SHPRH: variants seen among roughly 807,000 people sequenced by gnomAD.
SHPRH encodes the protein SNF2 histone linker PHD RING helicase.
Under a neutral mutation model 202.5 loss-of-function variants are expected in SHPRH, and 106 were observed. The observed-to-expected ratio is 0.52, with a 90% CI of 0.45 to 0.62. The LOEUF is 0.62. SHPRH is among the 20% of genes least tolerant of loss of function. The probability of loss-of-function intolerance (pLI) is 0.00; values close to 1 mark genes in which losing one functional copy is unlikely to be tolerated. For missense variants in SHPRH, 1,710 were observed against 2,020.0 expected, an observed-to-expected ratio of 0.85 and a Z score of 2.94; for synonymous variants, 729 against 686.0, an observed-to-expected ratio of 1.06 and a Z score of -0.98.
chr6:145,955,485 A>T (rs542166628), intron 1 of SHPRH, 131 bp from the exon 2 acceptor site: 46 of 824,482 alleles, frequency 5.6e-5, no homozygotes, highest in Admixed American at 1.3e-4. Context: ...GATATAAGGC[A>T]ATGAGTAATT....
At chr6:145,914,156 G>T (rs1346228634) in intron 23 of SHPRH, among the ~76,000 whole-genome samples, 1 of 152,086 alleles carries the variant, frequency 6.6e-6, no homozygotes, top group African/African-American at 2.4e-5. Context: ...TTGGGGATGG[G>T]CTGAGTTGGC....
intron 6 of SHPRH, among the ~76,000 whole-genome samples, chr6:145,946,702 T>A (rs1361831519): frequency 6.6e-6 from 1 of 151,992 alleles, no homozygotes; most frequent in Admixed American, 6.6e-5. Flanking sequence ...TTACTGATAG[T>A]TAAGTCAATA....
At chr6:145,929,742 T>C (rs896535700) in intron 14 of SHPRH, among the ~76,000 whole-genome samples, 1 of 151,994 alleles carries the variant, frequency 6.6e-6, no homozygotes, top group Non-Finnish European at 1.5e-5. Context: ...AGAGGGAAGA[T>C]TTGCACACAA....
Position 145,941,662 on chromosome 6 carries a change from G to C in SHPRH, c.2451C>G (p.Cys817Trp). 6.2e-7 allele frequency: 1 copy of C among 1,613,960 alleles called. No individual in the cohort carries two copies. The highest frequency in any genetic ancestry group is 8.5e-7 in the Non-Finnish European group (1 of 1,179,924). The change falls in exon 10 of 30, where the codon TGC becomes TGG. Residue 817 changes from cysteine to tryptophan, a missense_variant. Physicochemically the swap from Cys to Trp is radical, Grantham distance 215 (BLOSUM62 -2). Transcript: ENST00000275233. ...PLVAVEWWRI[C>W]LDEAQMVECP... ...ACTCAACCATCTGAGCTTCATCAAG[G>C]CAGATCCTCCACCACTCCACAGCTA...
In SHPRH at chr6:145,923,243, A is replaced by C. The variant is rs369349717; in HGVS notation, c.3545+400T>G. Among the ~76,000 whole-genome samples, 59 of 151,882 alleles carry C rather than the reference A, an allele frequency of 3.9e-4. No individual in the cohort carries two copies. In the East Asian group the frequency reaches 7.7e-3, roughly 20 times the overall value. The stretch of plus-strand genomic sequence containing the variant: ...AGAATATTGGGAAGAAAGAAGAAAA[A>C]TGGCTAAGAGTTATATTCCTTGGTT... On this transcript the variant is annotated intron_variant, in intron 18 of 29. Coordinates refer to ENST00000275233, the MANE Select transcript of SHPRH (RefSeq NM_001042683.3).
At chr6:145,889,049 T>C (rs188775919) in intron 28 of SHPRH, among the ~76,000 whole-genome samples, 130 of 152,260 alleles carry the variant, frequency 8.5e-4, no homozygotes, top group Non-Finnish European at 8.8e-4. Context: ...ACCTATCAGA[T>C]ACCTATTAGA....
intron 3 of SHPRH, among the ~76,000 whole-genome samples, chr6:145,951,025 TTC>T (rs1429724383): frequency 3.9e-5 from 6 of 152,060 alleles, no homozygotes; most frequent in Non-Finnish European, 7.4e-5. Context: ...AAGAAATGGG[TTC>T]TCATTTTATT....
chr6:145,870,604 A>G (rs191813791), intron 2 of SHPRH, among the ~76,000 whole-genome samples: 2 of 152,252 alleles, frequency 1.3e-5, no homozygotes, highest in East Asian at 1.9e-4. Context: ...GTGAACAAAG[A>G]CAGTTTCATT....
At position 145,910,613 on chromosome 6, in the gene SHPRH, G is replaced by A; in HGVS notation, c.4350C>T (p.His1450=). Residue 1450 remains histidine, a synonymous_variant, in exon 25 of 30, where the codon CAC becomes CAT. Transcript: ENST00000275233. ...TAGAAATGCATTCATTACAGAAACA[G>A]TGACCACAGGTCAGTACCGCCCACT... ...GKQWAVLTCG[H]CFCNECISII... The A allele has an allele frequency of 4.3e-6, 7 of 1,612,720 alleles. No homozygotes were observed. The highest frequency in any genetic ancestry group is 5.9e-6 in the Non-Finnish European group (7 of 1,179,334).
At chr6:145,900,785 A>G (rs1782434093) in intron 25 of SHPRH, among the ~76,000 whole-genome samples, 1 of 152,126 alleles carries the variant, frequency 6.6e-6, no homozygotes. Context: ...TACAATGTAA[A>G]TCTTACGTAA....
chr6:145,919,913 GCT>G (rs1311648337), intron 21 of SHPRH, among the ~76,000 whole-genome samples: 1 of 151,988 alleles, frequency 6.6e-6, no homozygotes, highest in Non-Finnish European at 1.5e-5. Context: ...CCTTGGAAAG[GCT>G]CTGTGTGTTC....
chr6:145,866,434 T>C (rs929775957), intron 2 of SHPRH, among the ~76,000 whole-genome samples: 4 of 152,228 alleles, frequency 2.6e-5, no homozygotes, highest in African/African-American at 9.6e-5. Flanking sequence ...ATTAACTGGA[T>C]TGAAATGATC....
At chr6:145,926,117 G>T in intron 16 of SHPRH, 87 bp downstream of exon 16, 1 of 1,139,564 alleles carries the variant, frequency 8.8e-7, no homozygotes, top group Non-Finnish European at 1.3e-6. Flanking sequence ...TTATTTGTAT[G>T]TTGTATGTCC....
At position 145,886,469 on chromosome 6, in the gene SHPRH, T is replaced by C. The variant is rs1477764592; in HGVS notation, c.*222A>G. The C allele has an allele frequency of 1.1e-6, 1 of 870,992 alleles. No individual in the cohort carries two copies. The highest frequency in any genetic ancestry group is 1.7e-5 in the African/African-American group (1 of 60,272). 54.0% of individuals were successfully genotyped at this position (870,992 alleles called of 1,614,324 possible). On this transcript the variant is annotated 3_prime_UTR_variant, in exon 30 of 30. Coordinates refer to ENST00000275233, the MANE Select transcript of SHPRH (RefSeq NM_001042683.3). ...TTTGGGACAAAAAATAAATGTTTTA[T>C]TAGGAGTGTAAAATTAAGAATCTTT...
chr6:145,862,009 G>A (rs1779595592), downstream of SHPRH, among the ~76,000 whole-genome samples: 1 of 152,152 alleles, frequency 6.6e-6, no homozygotes. Context: ...ACCAGGGGTG[G>A]GAGAATGGGG....
At chr6:145,943,915 C>G in intron 8 of SHPRH, 113 bp from the exon 9 acceptor site, 2 of 1,026,732 alleles carry the variant, frequency 1.9e-6, no homozygotes, top group East Asian at 2.6e-5. Context: ...CTTTGCTACC[C>G]TTTTCCCTGA....
intron 14 of SHPRH, among the ~76,000 whole-genome samples, chr6:145,931,117 C>T (rs1251303511): frequency 6.6e-6 from 1 of 151,954 alleles, no homozygotes; most frequent in Non-Finnish European, 1.5e-5. Context: ...ACATTTGCAT[C>T]TTTAAATATA....
chr6:145,877,890 G>A (rs944676192), intron 2 of SHPRH: 1 of 152,178 alleles, frequency 6.6e-6, no homozygotes, highest in East Asian at 1.9e-4. Context: ...ACTTTGAGTT[G>A]TCTCACCTTT....
chr6:145,923,951 C>G (rs1250551779), intron 17 of SHPRH, among the ~76,000 whole-genome samples, 166 bp from the exon 18 acceptor site: 2 of 151,856 alleles, frequency 1.3e-5, no homozygotes, highest in South Asian at 4.1e-4. Context: ...GTACAATGCT[C>G]GCTTCCTCTT....
Sources: allele counts gnomAD v4.1 joint callset (sites outside exome capture counted in the v4.1 genomes callset), GRCh38; gene constraint gnomAD v4.1.1; transcripts MANE v1.5; gene names NCBI Gene and HGNC (gene_info 2026-07-23, HGNC 2026-07-21).